The following USP12 variants were observed in gnomAD, a reference collection of about 807,000 sequenced individuals.
USP12 encodes the protein ubiquitin specific peptidase 12.
USP12 carries 19 observed loss-of-function variants against 45.5 expected under a neutral mutation model. That is an observed-to-expected ratio of 0.42 (90% confidence interval 0.29 to 0.61). The LOEUF is 0.61. USP12 is among the 20% of genes least tolerant of loss of function. The pLI is 0.22. For synonymous variants in USP12, 149 were observed against 148.8 expected (o/e 1.00, Z -0.01); for missense variants, 242 against 447.7 (o/e 0.54, Z 4.15).
chr13:27,149,783 G>C (rs1481752121), intron 1 of USP12, among the ~76,000 whole-genome samples: 11 of 152,210 alleles, frequency 7.2e-5, no homozygotes, highest in Non-Finnish European at 8.8e-5. Context: ...AGTGGGGGAT[G>C]GTTTCAGGAT....
intron 1 of USP12, among the ~76,000 whole-genome samples, chr13:27,170,623 C>T (rs1480689842): frequency 1.3e-5 from 2 of 152,224 alleles, no homozygotes; most frequent in African/African-American, 4.8e-5. Context: ...TTAAACGCGC[C>T]CACGTTTTGC....
intron 6 of USP12, among the ~76,000 whole-genome samples, chr13:27,076,241 C>A (rs146234714): frequency 6.6e-6 from 1 of 152,208 alleles, no homozygotes; most frequent in Non-Finnish European, 1.5e-5. Context: ...AGAAAAATGA[C>A]AATGTATATC....
chr13:27,098,894 G>C (rs1262669305), intron 3 of USP12, among the ~76,000 whole-genome samples: 1 of 152,126 alleles, frequency 6.6e-6, no homozygotes, highest in Non-Finnish European at 1.5e-5. Flanking sequence ...TTCCAAAACA[G>C]AAAGTGAAAC....
intron 1 of USP12, among the ~76,000 whole-genome samples, chr13:27,171,357 G>A (rs1205051158): frequency 5.4e-5 from 8 of 147,710 alleles, no homozygotes; most frequent in Non-Finnish European, 1.2e-4. Flanking sequence ...CGCTACCCTC[G>A]CGCCGCCCTG....
chr13:27,105,715 T>C lies in USP12; in HGVS notation c.343+16A>G. The C allele has an allele frequency of 6.2e-7, 1 of 1,608,266 alleles. No homozygotes were observed. Among genetic ancestry groups the C allele is most frequent in the East Asian group, 2.2e-5 (1 of 44,842 alleles). On this transcript the variant is annotated intron_variant, in intron 3 of 8. Transcript: ENST00000282344. ...CCTTCCTAGTATGTCATTAATACAG[T>C]GGGAAGTAGAATTACCATTTTCTTT...
At position 27,066,899 on chromosome 13, in the gene USP12, A is replaced by G. The variant is rs1452577977; in HGVS notation, c.*2384T>C. 3.9e-5 allele frequency: 6 copies of G among 152,172 alleles called. No homozygotes were observed. The highest frequency in any genetic ancestry group is 3.9e-4 in the Admixed American group (6 of 15,270). 9.4% of individuals were successfully genotyped at this position (152,172 alleles called of 1,614,324 possible). A position where few individuals can be genotyped will look rare whatever the true frequency, so the allele number is the denominator to read the frequency against. On this transcript the variant is annotated 3_prime_UTR_variant, in exon 9 of 9. Transcript: ENST00000282344. Reference sequence around the variant, plus strand: ...GTATTTTTCCCCCAACCCTGACCCTATACGTTTTAAAAGTACATTTAGTTT... The same window carrying G: ...GTATTTTTCCCCCAACCCTGACCCTGTACGTTTTAAAAGTACATTTAGTTT...
intron 1 of USP12, among the ~76,000 whole-genome samples, chr13:27,148,237 T>A (rs1877399130): frequency 6.6e-6 from 1 of 152,130 alleles, no homozygotes. Context: ...TAGAAGCAAG[T>A]GTTCTCAAAC....
chr13:27,104,849 T>TATTA (rs1204894906), intron 3 of USP12, among the ~76,000 whole-genome samples: 1 of 152,194 alleles, frequency 6.6e-6, no homozygotes, highest in Non-Finnish European at 1.5e-5. Flanking sequence ...AGCGTCTACT[T>TATTA]AATAGGTAAC....
Position 27,068,275 on chromosome 13 carries a change from T to C in USP12, c.*1008A>G, listed in dbSNP as rs1481647475. ...ACCACCACTGCACCAGAATTTTTAATTATTCCAACAACTACAGGAATTTTT... is the reference window on the plus strand; with the variant it reads ...ACCACCACTGCACCAGAATTTTTAACTATTCCAACAACTACAGGAATTTTT... On this transcript the variant is annotated 3_prime_UTR_variant, in exon 9 of 9. Coordinates refer to ENST00000282344, the MANE Select transcript of USP12 (RefSeq NM_182488.4). The C allele has an allele frequency of 6.6e-6, 1 of 152,600 alleles. No homozygotes were observed. Among genetic ancestry groups the C allele is most frequent in the Non-Finnish European group, 1.5e-5 (1 of 68,038 alleles). The allele number at this position is 152,600 out of a possible 1,614,324, so 9.5% of individuals were successfully genotyped here. A position where few individuals can be genotyped will look rare whatever the true frequency, so the allele number is the denominator to read the frequency against.
At position 27,066,563 on chromosome 13, in the gene USP12, T is replaced by C. The variant is rs1220400853; in HGVS notation, c.*2720A>G. On this transcript the variant is annotated 3_prime_UTR_variant, in exon 9 of 9. Transcript: ENST00000282344. ...ACCCACATAATACAACATTTCCCTC[T>C]TTCCCTGTTCCCAAGCCTCCTGGTT... The C allele has an allele frequency of 6.6e-6, 1 of 152,202 alleles. No homozygotes were observed. Among genetic ancestry groups the C allele is most frequent in the Non-Finnish European group, 1.5e-5 (1 of 68,034 alleles). The allele number at this position is 152,202 out of a possible 1,614,324, so 9.4% of individuals were successfully genotyped here. A position where few individuals can be genotyped will look rare whatever the true frequency, so the allele number is the denominator to read the frequency against.
intron 6 of USP12, among the ~76,000 whole-genome samples, chr13:27,085,879 C>T (rs113611659): frequency 6.6e-6 from 1 of 151,954 alleles, no homozygotes; most frequent in Non-Finnish European, 1.5e-5. Context: ...AAAAAATATA[C>T]TATGCAGCAG....
chr13:27,166,854 T>A (rs1320518082), intron 1 of USP12, among the ~76,000 whole-genome samples: 2 of 152,166 alleles, frequency 1.3e-5, no homozygotes, highest in Non-Finnish European at 1.5e-5. Flanking sequence ...AACGCCCTAG[T>A]ACCCTACCAC....
intron 1 of USP12, among the ~76,000 whole-genome samples, chr13:27,163,531 A>G (rs1878208330): frequency 6.6e-6 from 1 of 152,160 alleles, no homozygotes; most frequent in Non-Finnish European, 1.5e-5. Flanking sequence ...TAAGAAAAAC[A>G]TCTCATTGCA....
At chr13:27,170,540 G>C (rs773609772) in intron 1 of USP12, among the ~76,000 whole-genome samples, 3 of 152,208 alleles carry the variant, frequency 2.0e-5, no homozygotes, top group Non-Finnish European at 4.4e-5. Flanking sequence ...AGCTCATGAG[G>C]AACTAATGAA....
intron 1 of USP12, among the ~76,000 whole-genome samples, chr13:27,167,460 T>C (rs1265144050): frequency 6.6e-6 from 1 of 152,102 alleles, no homozygotes; most frequent in Non-Finnish European, 1.5e-5. Flanking sequence ...TTCTTCTAAA[T>C]GTTCTCTCTC....
At chr13:27,160,821 T>C (rs1878072004) in intron 1 of USP12, among the ~76,000 whole-genome samples, 1 of 151,216 alleles carries the variant, frequency 6.6e-6, no homozygotes, top group African/African-American at 2.4e-5. Flanking sequence ...AGTTACAGGG[T>C]ACATGTGCAG....
At chr13:27,124,937 G>C (rs1165397129) in intron 1 of USP12, among the ~76,000 whole-genome samples, 3 of 152,208 alleles carry the variant, frequency 2.0e-5, no homozygotes. Context: ...ATCATAAAAA[G>C]AGTATCAAAG....
Position 27,129,548 on chromosome 13 carries a change from ACT to A in USP12, c.49-12954_49-12953del, listed in dbSNP as rs971059273. Among the ~76,000 whole-genome samples the A allele has an allele frequency of 5.9e-5, 9 of 151,960 alleles. No homozygotes were observed. The highest frequency in any genetic ancestry group is 1.9e-4 in the African/African-American group (8 of 41,342). ...AGAGAAGGCTGGGCAACATAGCAAG[ACT>A]CTGTCTCTACAGAGGATGTTGTGGA... On this transcript the variant is annotated intron_variant, in intron 1 of 8. Coordinates refer to ENST00000282344, the MANE Select transcript of USP12 (RefSeq NM_182488.4). The surrounding 1 kb of genome is among the most constrained non-coding windows in gnomAD (Gnocchi z 4.0).
At chr13:27,083,873 TA>T (rs200190013) in intron 6 of USP12, among the ~76,000 whole-genome samples, 9 of 149,610 alleles carry the variant, frequency 6.0e-5, no homozygotes, top group Non-Finnish European at 1.0e-4. Flanking sequence ...TATATATATA[TA>T]TTTTTTTGAG....
Sources: allele counts gnomAD v4.1 joint callset (sites outside exome capture counted in the v4.1 genomes callset), GRCh38; gene constraint gnomAD v4.1.1; non-coding constraint Gnocchi (gnomAD v3.1); transcripts MANE v1.5; gene names NCBI Gene and HGNC (gene_info 2026-07-23, HGNC 2026-07-21).